Variants in VARS1 observed in about 807,000 individuals in gnomAD.
The protein encoded by VARS1 is valine--tRNA ligase.
A neutral mutation model predicts 161.0 loss-of-function variants in VARS1; 92 were observed. The observed-to-expected ratio is 0.57, with a 90% CI of 0.48 to 0.68. The LOEUF (loss-of-function observed/expected upper bound fraction) is 0.68. VARS1 is among the 30% of genes least tolerant of loss of function. VARS1 has a pLI of 0.00. For missense variants in VARS1, 1,338 were observed against 1,695.9 expected (o/e 0.79, Z 3.71); for synonymous variants, 595 against 682.5 (o/e 0.87, Z 2.00).
chr6:31,782,447 G>C lies in VARS1; in HGVS notation c.1992-4C>G, dbSNP rs777451438. 1.9e-6 allele frequency: 3 copies of C among 1,612,102 alleles called. No individual in the cohort carries two copies. The highest frequency in any genetic ancestry group is 2.5e-6 in the Non-Finnish European group (3 of 1,179,524). ...CTCTACCACGTCCTTCGACCGGCTG[G>C]GGGTACACGTAGGTGAGAAGGCCAG... On this transcript the variant is annotated splice_region_variant and splice_polypyrimidine_tract_variant and intron_variant, in intron 16 of 29. Transcript: ENST00000375663. The surrounding 1 kb of genome is among the most constrained non-coding windows in gnomAD (Gnocchi z 8.3).
In VARS1 at chr6:31,791,108, G is replaced by A. The variant is rs532864691; in HGVS notation, c.1100+502C>T. 2.0e-4 allele frequency among the ~76,000 whole-genome samples: 30 copies of A among 151,998 alleles called. 1 individual carries two copies. Among genetic ancestry groups the A allele is most frequent in the Admixed American group, 3.9e-4 (6 of 15,254 alleles). On this transcript the variant is annotated intron_variant, in intron 8 of 29. Coordinates refer to ENST00000375663, the MANE Select transcript of VARS1 (RefSeq NM_006295.3). The surrounding 1 kb of genome is among the most constrained non-coding windows in gnomAD (Gnocchi z 5.0). ...AGCGGTTGCCATGAGCCGAGATGGC[G>A]TCACTGCACTCCGGCCTGGGCAACA...
chr6:31,787,624 G>A (rs1190513930), intron 8 of VARS1, among the ~76,000 whole-genome samples: 8 of 151,258 alleles, frequency 5.3e-5, no homozygotes, highest in African/African-American at 1.5e-4. Flanking sequence ...CAGCCTGGGC[G>A]ACAGAGCGAG....
In VARS1 at chr6:31,784,461, C is replaced by G. The variant is rs140386700; in HGVS notation, c.1509G>C (p.Val503=). The G allele has an allele frequency of 1.3e-5, 21 of 1,614,124 alleles. 1 individual carries two copies. The highest frequency in any genetic ancestry group is 5.5e-5 in the South Asian group (5 of 91,092). The change falls in exon 12 of 30, where the codon GTG becomes GTC. Residue 503 remains valine (V), a synonymous_variant. Transcript: ENST00000375663. The surrounding 1 kb of genome is among the most constrained non-coding windows in gnomAD (Gnocchi z 6.1). ...KELTGRTLLS[V]PGYKEKVEFG... is the part of the protein sequence containing the mutation. ...ACTCCACCTTCTCCTTGTAGCCAGG[C>G]ACGGAGAGCAGGGTGCGACCTGTCA...
At chr6:31,787,898 C>A (rs1813606091) in intron 8 of VARS1, among the ~76,000 whole-genome samples, 1 of 152,060 alleles carries the variant, frequency 6.6e-6, no homozygotes, top group Non-Finnish European at 1.5e-5. Context: ...GTACGCGAAT[C>A]ACGAGGTCAG....
Position 31,778,898 on chromosome 6 carries a change from G to A in VARS1, c.3726+69C>T, listed in dbSNP as rs1812917873. The A allele has an allele frequency of 1.3e-6, 2 of 1,597,500 alleles. No individual in the cohort carries two copies. The highest frequency in any genetic ancestry group is 1.1e-5 in the South Asian group (1 of 90,294). ...TTAGTTGTCAACACCACTGCACTCG[G>A]ACCAGCCCAGACCAGGGTTTTGATG... On this transcript the variant is annotated intron_variant, in intron 29 of 29. Coordinates refer to ENST00000375663, the MANE Select transcript of VARS1 (RefSeq NM_006295.3). The surrounding 1 kb of genome is among the most constrained non-coding windows in gnomAD (Gnocchi z 5.1).
chr6:31,782,793 C>T lies in VARS1; in HGVS notation c.1815G>A (p.Gln605=). Residue 605 remains glutamine (Q), a synonymous_variant, in exon 15 of 30, where the codon CAG becomes CAA. Transcript: ENST00000375663. The surrounding 1 kb of genome is among the most constrained non-coding windows in gnomAD (Gnocchi z 8.3). ...TGCTGATGGCCTCCAGCCCGTGCCG[C>T]TGCCCAACTTCATAGTCATTTTGGT... The part of the protein sequence containing the change: ...AHDQNDYEVG[Q]RHGLEAISIM... The T allele has an allele frequency of 6.2e-7, 1 of 1,613,042 alleles. No individual in the cohort carries two copies. The highest frequency in any genetic ancestry group is 1.1e-5 in the South Asian group (1 of 91,082).
chr6:31,783,022 C>T (rs1813260043), intron 14 of VARS1, 74 bp downstream of exon 14: 1 of 1,569,024 alleles, frequency 6.4e-7, no homozygotes. Flanking sequence ...TTTTCTTTTT[C>T]TCTGAGAGAA....
Position 31,785,732 on chromosome 6 carries a change from G to C in VARS1, c.1102C>G (p.His368Asp). 1 of 1,608,626 alleles carries C rather than the reference G, an allele frequency of 6.2e-7. No homozygotes were observed. Among genetic ancestry groups the C allele is most frequent in the Non-Finnish European group, 8.5e-7 (1 of 1,178,358 alleles). ...AGGGTGGTCTCCCCACGCATGCGGT[G>C]CCTGTTAGGGGGCATGGAGGACCAG... ...NAIQDSLTRWHRMRGETTLWN... is the reference protein window; with the variant it reads ...NAIQDSLTRWDRMRGETTLWN... Residue 368 changes from histidine to aspartate, a missense_variant and splice_region_variant, in exon 9 of 30, where the codon CAC becomes GAC. Transcript: ENST00000375663. The surrounding 1 kb of genome is among the most constrained non-coding windows in gnomAD (Gnocchi z 6.1).
In VARS1 at chr6:31,779,867, C is replaced by G. The variant is rs751273394; in HGVS notation, c.3082-53G>C. The G allele has an allele frequency of 3.1e-6, 5 of 1,606,568 alleles. No homozygotes were observed. Among genetic ancestry groups the G allele is most frequent in the Non-Finnish European group, 4.3e-6 (5 of 1,175,790 alleles). ...GGCTGGAGGTCTAGCCTTGAGCCCT[C>G]GCTGTGCCTGTGAGGACTGGGAAGG... On this transcript the variant is annotated intron_variant, in intron 26 of 29. Coordinates refer to ENST00000375663, the MANE Select transcript of VARS1 (RefSeq NM_006295.3). The surrounding 1 kb of genome is among the most constrained non-coding windows in gnomAD (Gnocchi z 9.1).
rs759162633 is a variant in VARS1, at chr6:31,780,532, C to T, written c.2834G>A (p.Gly945Asp). The change falls in exon 25 of 30, where the codon GGT becomes GAT. Residue 945 changes from glycine to aspartate, a missense_variant. By Grantham distance (94) the Gly-to-Asp change is moderately conservative (BLOSUM62 -1). Coordinates refer to ENST00000375663, the MANE Select transcript of VARS1 (RefSeq NM_006295.3). The surrounding 1 kb of genome is among the most constrained non-coding windows in gnomAD (Gnocchi z 5.1). The part of the protein sequence containing the change: ...DINLDVNRIL[G>D]YRHFCNKLWN... ...GAGCTTGTTGCAGAAGTGGCGGTAA[C>T]CCAGTATCCGGTTCACATCCAGGTT... is the stretch of plus-strand genomic sequence containing the variant. 2 of 1,613,996 alleles carry T rather than the reference C, an allele frequency of 1.2e-6. No homozygotes were observed. The highest frequency in any genetic ancestry group is 8.5e-7 in the Non-Finnish European group (1 of 1,180,004).
At chr6:31,787,602 G>A (rs1324262775) in intron 8 of VARS1, among the ~76,000 whole-genome samples, 3 of 151,792 alleles carry the variant, frequency 2.0e-5, no homozygotes, top group Non-Finnish European at 4.4e-5. Flanking sequence ...ACGAGATCGC[G>A]TCACTGCACT....
Position 31,785,787 on chromosome 6 carries a change from C to G in VARS1, c.1101-54G>C. 2 of 1,542,550 alleles carry G rather than the reference C, an allele frequency of 1.3e-6. No homozygotes were observed. Among genetic ancestry groups the G allele is most frequent in the Non-Finnish European group, 8.7e-7 (1 of 1,154,666 alleles). ...TGAGCCAGGCCAGTGGGGCCTGGCA[C>G]CAAAGAAAGCAGAGGCTTCAGGCAA... On this transcript the variant is annotated intron_variant, in intron 8 of 29. Coordinates refer to ENST00000375663, the MANE Select transcript of VARS1 (RefSeq NM_006295.3). This position sits in a 1 kb window ranked among gnomAD's most constrained non-coding sequence, Gnocchi z 6.1.
In VARS1 at chr6:31,780,824, C is replaced by G; in HGVS notation, c.2719-41G>C. The G allele has an allele frequency of 6.2e-7, 1 of 1,614,188 alleles. No homozygotes were observed. The highest frequency in any genetic ancestry group is 1.1e-5 in the South Asian group (1 of 91,084). On this transcript the variant is annotated intron_variant, in intron 23 of 29. Transcript: ENST00000375663. The surrounding 1 kb of genome is among the most constrained non-coding windows in gnomAD (Gnocchi z 5.1). ...AGGGGGAGGAGCGTCCTCAGCCAGC[C>G]CCATCCACGCTGTGCTCCTGCTTAG...
rs374359517 is a variant in VARS1, at chr6:31,786,754, C to T, written c.1101-1021G>A. ...AAGTTCTAATTGTTAAAATAAGTTA[C>T]TAAACAGGAACAAAATAGTACCTGG... On this transcript the variant is annotated intron_variant, in intron 8 of 29. Coordinates refer to ENST00000375663, the MANE Select transcript of VARS1 (RefSeq NM_006295.3). 4.5e-4 allele frequency among the ~76,000 whole-genome samples: 65 copies of T among 145,622 alleles called. 1 individual carries two copies. The highest frequency in any genetic ancestry group is 3.9e-3 in the East Asian group (18 of 4,626).
In VARS1 at chr6:31,782,696, G is replaced by A. The variant is rs775157154; in HGVS notation, c.1887+25C>T. 6.2e-7 allele frequency: 1 copy of A among 1,613,006 alleles called. No individual in the cohort carries two copies. The highest frequency in any genetic ancestry group is 8.5e-7 in the Non-Finnish European group (1 of 1,179,984). ...CCATCCCTCCATCTCCCTGACCCGG[G>A]CACTCTTGCCTCAGGCAGCCTCACC... On this transcript the variant is annotated intron_variant, in intron 15 of 29. Transcript: ENST00000375663. This position sits in a 1 kb window ranked among gnomAD's most constrained non-coding sequence, Gnocchi z 8.3.
Position 31,784,526 on chromosome 6 carries a change from G to A in VARS1, c.1468-24C>T, listed in dbSNP as rs376286696. The A allele has an allele frequency of 3.8e-5, 61 of 1,613,704 alleles. No homozygotes were observed. Among genetic ancestry groups the A allele is most frequent in the Non-Finnish European group, 4.5e-5 (53 of 1,180,052 alleles). On this transcript the variant is annotated intron_variant, in intron 11 of 29. Coordinates refer to ENST00000375663, the MANE Select transcript of VARS1 (RefSeq NM_006295.3). This position sits in a 1 kb window ranked among gnomAD's most constrained non-coding sequence, Gnocchi z 6.1. ...ACCTGTAAAATGGGTATTTAGAGGC[G>A]TGGCCCAGGGGCCAGGGCCAGGGCC...
Position 31,777,930 on chromosome 6 carries a change from C to T in VARS1, c.3727-268G>A. Reference sequence around the variant, plus strand: ...AGCCTACGTGTTCCCCATTCAGTGTCCCCACCTAAGCAGGAGAGCACAGTC... The same window carrying T: ...AGCCTACGTGTTCCCCATTCAGTGTTCCCACCTAAGCAGGAGAGCACAGTC... On this transcript the variant is annotated intron_variant, in intron 29 of 29. Transcript: ENST00000375663. This position sits in a 1 kb window ranked among gnomAD's most constrained non-coding sequence, Gnocchi z 5.8. 1 of 574,688 alleles carries T rather than the reference C, an allele frequency of 1.7e-6. No homozygotes were observed. The highest frequency in any genetic ancestry group is 3.1e-6 in the Non-Finnish European group (1 of 321,820). The allele number at this position is 574,688 out of a possible 1,614,324, so 35.6% of individuals were successfully genotyped here.
chr6:31,782,050 A>T lies in VARS1; in HGVS notation c.2241+37T>A. ...GACCCAGTAAACCCACCACTCCAGC[A>T]GGGTGTCCCAGCAGCTAGCTCTGGC... On this transcript the variant is annotated intron_variant, in intron 18 of 29. Coordinates refer to ENST00000375663, the MANE Select transcript of VARS1 (RefSeq NM_006295.3). The surrounding 1 kb of genome is among the most constrained non-coding windows in gnomAD (Gnocchi z 8.3). 1.2e-6 allele frequency: 2 copies of T among 1,612,316 alleles called. No individual in the cohort carries two copies. The highest frequency in any genetic ancestry group is 1.7e-6 in the Non-Finnish European group (2 of 1,178,996).
Position 31,778,291 on chromosome 6 carries a change from G to A in VARS1, c.3727-629C>T, listed in dbSNP as rs992904245. The A allele has an allele frequency of 1.3e-5, 2 of 157,586 alleles. No individual in the cohort carries two copies. Among genetic ancestry groups the A allele is most frequent in the South Asian group, 3.7e-4 (2 of 5,418 alleles). The allele number at this position is 157,586 out of a possible 1,614,324, so 9.8% of individuals were successfully genotyped here. ...CATTTTGGGCAGCTGGGTGGGGTAC[G>A]AAGGGTCTGGCTGGGAGATAGGATG... On this transcript the variant is annotated intron_variant, in intron 29 of 29. Coordinates refer to ENST00000375663, the MANE Select transcript of VARS1 (RefSeq NM_006295.3). The surrounding 1 kb of genome is among the most constrained non-coding windows in gnomAD (Gnocchi z 5.1).
Sources: allele counts gnomAD v4.1 joint callset (sites outside exome capture counted in the v4.1 genomes callset), GRCh38; gene constraint gnomAD v4.1.1; non-coding constraint Gnocchi (gnomAD v3.1); transcripts MANE v1.5; gene names NCBI Gene and HGNC (gene_info 2026-07-23, HGNC 2026-07-21).